The following EPHA6 variants were observed in gnomAD, a reference collection of about 807,000 sequenced individuals.
EPHA6 encodes the protein EPH receptor A6, also known as ephrin type-A receptor 6.
EPHA6 carries 50 observed loss-of-function variants against 112.0 expected under a neutral mutation model. The observed-to-expected ratio is 0.45, with a 90% CI of 0.36 to 0.56. EPHA6 has a LOEUF of 0.56. Ranked by LOEUF, EPHA6 falls within the 20% of genes least tolerant of loss-of-function variation. EPHA6 has a pLI of 0.00. For synonymous variants in EPHA6, 529 were observed against 490.7 expected (o/e 1.08, Z -1.03); for missense variants, 1,280 against 1,417.4 (o/e 0.90, Z 1.56).
At chr3:97,627,680 C>A (rs186808283) in intron 13 of EPHA6, among the ~76,000 whole-genome samples, 24 of 151,842 alleles carry the variant, frequency 1.6e-4, no homozygotes, top group African/African-American at 5.8e-4. Context: ...TATATAGTCA[C>A]CCTATCACTA....
rs2043061209 is a variant in EPHA6, at chr3:96,987,373, A to G, written c.494A>G (p.His165Arg). ...ATGGATGAACATAATAGGCCCATTC[A>G]CACATACCAGGTATGTAATGTAATG... ...TEMDEHNRPI[H>R]TYQVCNVMEP... The change falls in exon 3 of 18, where the codon CAC (histidine) becomes CGC (arginine). Residue 165 changes from histidine (H) to arginine (R), a missense_variant. Physicochemically the swap from His to Arg is conservative, Grantham distance 29 (BLOSUM62 0). This residue lies in a region of EPHA6 where 878 missense variants were observed against 999.7 expected (regional missense o/e 0.88). Transcript: ENST00000389672. 2 of 1,613,430 alleles carry G rather than the reference A, an allele frequency of 1.2e-6. No individual in the cohort carries two copies. Among genetic ancestry groups the G allele is most frequent in the Non-Finnish European group, 8.5e-7 (1 of 1,179,550 alleles).
intron 2 of EPHA6, among the ~76,000 whole-genome samples, chr3:96,888,552 G>A (rs1268176621): frequency 2.0e-5 from 3 of 152,186 alleles, no homozygotes; most frequent in East Asian, 1.9e-4. Context: ...CCAAGGCTCG[G>A]TGCTTGCATC....
At chr3:97,153,387 A>G (rs1269072594) in intron 3 of EPHA6, among the ~76,000 whole-genome samples, 1 of 152,134 alleles carries the variant, frequency 6.6e-6, no homozygotes, top group Non-Finnish European at 1.5e-5. Flanking sequence ...TAATGAAATT[A>G]CTCCTTGTCA....
intron 3 of EPHA6, among the ~76,000 whole-genome samples, chr3:97,172,834 C>T (rs374453768): frequency 3.3e-5 from 5 of 151,828 alleles, no homozygotes; most frequent in South Asian, 4.2e-4. Flanking sequence ...CTCAAATGAC[C>T]GGTTACAAAG....
At chr3:97,624,843 T>G (rs1408902210) in intron 13 of EPHA6, among the ~76,000 whole-genome samples, 1 of 151,596 alleles carries the variant, frequency 6.6e-6, no homozygotes. Flanking sequence ...TCACATACAA[T>G]CATTTATAGT....
chr3:97,482,612 A>G (rs2091584789), intron 9 of EPHA6, among the ~76,000 whole-genome samples: 1 of 152,252 alleles, frequency 6.6e-6, no homozygotes, highest in Non-Finnish European at 1.5e-5. Context: ...ATGGGCATAG[A>G]AGGACTAAGG....
chr3:97,201,517 TAG>T (rs1461168585), intron 3 of EPHA6, among the ~76,000 whole-genome samples: 1 of 152,108 alleles, frequency 6.6e-6, no homozygotes, highest in Non-Finnish European at 1.5e-5. Flanking sequence ...TGATTCACAT[TAG>T]CTAATCTCCT....
chr3:97,102,951 A>G (rs1454706522), intron 3 of EPHA6, among the ~76,000 whole-genome samples: 1 of 151,884 alleles, frequency 6.6e-6, no homozygotes, highest in Non-Finnish European at 1.5e-5. Context: ...CTGTTTATTT[A>G]TGTCCTTTAC....
intron 3 of EPHA6, among the ~76,000 whole-genome samples, chr3:97,151,913 C>G (rs1170391855): frequency 2.0e-5 from 3 of 151,600 alleles, no homozygotes; most frequent in Non-Finnish European, 4.4e-5. Flanking sequence ...TTTATATAAT[C>G]ATATTTAGCG....
intron 14 of EPHA6, among the ~76,000 whole-genome samples, chr3:97,719,348 G>C (rs542964152): frequency 6.6e-6 from 1 of 151,848 alleles, no homozygotes; most frequent in African/African-American, 2.4e-5. Flanking sequence ...CCACCTCCAC[G>C]GTTTAAGACA....
chr3:97,406,410 C>T (rs926282267), intron 6 of EPHA6, among the ~76,000 whole-genome samples: 3 of 152,124 alleles, frequency 2.0e-5, no homozygotes, highest in Non-Finnish European at 2.9e-5. Context: ...GGAAGTCAAA[C>T]TCATCCTTTT....
intron 13 of EPHA6, among the ~76,000 whole-genome samples, chr3:97,634,603 A>G (rs2093930459): frequency 6.6e-6 from 1 of 151,990 alleles, no homozygotes. Context: ...CCTTAACCGA[A>G]TCACTCCCTA....
In EPHA6 at chr3:96,891,057, C is replaced by T. The variant is rs184930276; in HGVS notation, c.450+24168C>T. On this transcript the variant is annotated intron_variant, in intron 2 of 17. Coordinates refer to ENST00000389672, the MANE Select transcript of EPHA6 (RefSeq NM_001080448.3). ...GAGAACTTGTGCCACTGCACTCCAG[C>T]CTGGGTGACAGAGTGAAAGAGACTC... 9.3e-4 allele frequency among the ~76,000 whole-genome samples: 142 copies of T among 152,246 alleles called. 1 individual carries two copies. Among genetic ancestry groups the T allele is most frequent in the Middle Eastern group, 3.4e-3 (1 of 294 alleles).
chr3:97,516,107 A>C (rs2107605155), intron 10 of EPHA6, among the ~76,000 whole-genome samples: 1 of 152,330 alleles, frequency 6.6e-6, no homozygotes, highest in Middle Eastern at 3.4e-3. Context: ...AACTTTTCTA[A>C]GACTCACATA....
At chr3:97,074,290 AAGTT>A (rs1357416648) in intron 3 of EPHA6, among the ~76,000 whole-genome samples, 22 of 152,118 alleles carry the variant, frequency 1.4e-4, no homozygotes, top group South Asian at 2.1e-4. Flanking sequence ...AATACAATGA[AAGTT>A]AGTATGTCAG....
At chr3:97,050,599 G>A (rs542009141) in intron 3 of EPHA6, among the ~76,000 whole-genome samples, 2 of 152,220 alleles carry the variant, frequency 1.3e-5, no homozygotes, top group African/African-American at 4.8e-5. Flanking sequence ...TTTTAAATGG[G>A]TATTTCAACA....
intron 3 of EPHA6, among the ~76,000 whole-genome samples, chr3:97,118,210 A>G (rs1273460458): frequency 6.6e-6 from 1 of 151,832 alleles, no homozygotes; most frequent in African/African-American, 2.4e-5. Flanking sequence ...TATTTCAGAG[A>G]ATCTGTCAAC....
rs543884955 is a variant in EPHA6 at position 97,153,406 on chromosome 3, C to A, written c.1115-72858C>A. On this transcript the variant is annotated intron_variant, in intron 3 of 17. Transcript: ENST00000389672. ...GAAATTACTCCTTGTCATCATTCAA[C>A]CTTGTATTTTCAAAACGGTTATTAA... Among the ~76,000 whole-genome samples the A allele has an allele frequency of 3.9e-5, 6 of 152,226 alleles. No individual in the cohort carries two copies. In the South Asian group the frequency reaches 1.2e-3, roughly 32 times the overall value.
chr3:97,509,298 T>A (rs894937429), intron 10 of EPHA6, among the ~76,000 whole-genome samples: 1 of 152,098 alleles, frequency 6.6e-6, no homozygotes, highest in Non-Finnish European at 1.5e-5. Context: ...CTTTACAATT[T>A]GGCATGTTTT....
Sources: allele counts gnomAD v4.1 joint callset (sites outside exome capture counted in the v4.1 genomes callset), GRCh38; gene constraint gnomAD v4.1.1; regional missense constraint gnomAD v4.1.1; transcripts MANE v1.5; gene names NCBI Gene and HGNC (gene_info 2026-07-23, HGNC 2026-07-21).